The following SMCO2 variants were observed in gnomAD, a reference collection of about 807,000 sequenced individuals.
The protein encoded by SMCO2 is single-pass membrane and coiled-coil domain-containing protein 2.
In SMCO2, 25 loss-of-function variants were observed where a neutral mutation model predicts 29.5. The ratio of observed to expected loss-of-function variants is 0.85; its 90% CI spans 0.62 to 1.18. The LOEUF is 1.18. Ranked by LOEUF, SMCO2 falls within the 50% of genes most tolerant of loss-of-function variation. The pLI is 0.00. For synonymous variants in SMCO2, 117 were observed against 123.3 expected, an observed-to-expected ratio of 0.95 and a Z score of 0.34; for missense variants, 348 against 344.5, an observed-to-expected ratio of 1.01 and a Z score of -0.08.
In SMCO2 at chr12:27,488,562, T is replaced by C; in HGVS notation, c.450+15T>C. 1 of 1,517,354 alleles carries C rather than the reference T, an allele frequency of 6.6e-7. No homozygotes were observed. The highest frequency in any genetic ancestry group is 8.8e-7 in the Non-Finnish European group (1 of 1,130,092). The allele number at this position is 1,517,354 out of a possible 1,614,324, so 94.0% of individuals were successfully genotyped here. On this transcript the variant is annotated intron_variant, in intron 5 of 7. Coordinates refer to ENST00000298876, the Ensembl canonical transcript of SMCO2. ...CAAGCACTGAGGTAAGCTAGAGACT[T>C]GGGAAAGACTGAGAGGTTGGGGATT...
intron 4 of SMCO2, among the ~76,000 whole-genome samples, chr12:27,478,699 C>G (rs951571867): frequency 1.1e-4 from 17 of 152,098 alleles, no homozygotes; most frequent in African/African-American, 4.1e-4. Context: ...GGGCCTATCA[C>G]CAGGCCCTTG....
intron 4 of SMCO2, among the ~76,000 whole-genome samples, chr12:27,477,996 A>G (rs1949604961): frequency 6.6e-6 from 1 of 151,976 alleles, no homozygotes; most frequent in Non-Finnish European, 1.5e-5. Flanking sequence ...TGGTTCTTAC[A>G]TTGATATCTA....
At chr12:27,436,535 G>A in the SMCO2 span, among the ~76,000 whole-genome samples, 11 of 152,110 alleles carry the variant, frequency 7.2e-5, 1 homozygote, top group African/African-American at 2.7e-4. Context: ...GAAAAGAAAA[G>A]AGGAAGAAAC....
the SMCO2 span, among the ~76,000 whole-genome samples, chr12:27,459,499 CA>C: frequency 6.6e-6 from 1 of 152,084 alleles, no homozygotes; most frequent in Non-Finnish European, 1.5e-5. Flanking sequence ...AGGTGGGGAT[CA>C]AAAACTACCT....
the SMCO2 span, among the ~76,000 whole-genome samples, chr12:27,431,212 T>C: frequency 1.3e-5 from 2 of 152,138 alleles, no homozygotes; most frequent in Non-Finnish European, 2.9e-5. Flanking sequence ...AGATGGGTTT[T>C]CGCCATGTTG....
At chr12:27,457,136 AC>A in the SMCO2 span, among the ~76,000 whole-genome samples, 1 of 150,966 alleles carries the variant, frequency 6.6e-6, no homozygotes, top group African/African-American at 2.4e-5. Context: ...GAGGTTGGCT[AC>A]CCCGATCAGT....
At chr12:27,484,153 G>A (rs1402304440) in intron 4 of SMCO2, among the ~76,000 whole-genome samples, 2 of 152,234 alleles carry the variant, frequency 1.3e-5, no homozygotes, top group African/African-American at 4.8e-5. Context: ...CACTTTGGGA[G>A]GTCAAGGTGG....
At chr12:27,501,902 A>G in intron 7 of SMCO2, 21 bp from the exon 9 acceptor site, 1 of 1,495,816 alleles carries the variant, frequency 6.7e-7, no homozygotes, top group Non-Finnish European at 8.9e-7. Flanking sequence ...TGGTTAACAC[A>G]GATGTTTTCT....
chr12:27,484,014 A>G lies in SMCO2; in HGVS notation c.363-4446A>G, dbSNP rs193121367. On this transcript the variant is annotated intron_variant, in intron 4 of 7. Transcript: ENST00000298876. ...ATTGTTTATATTTACACACATATTT[A>G]CTATTACCAGTGCTCTTCATTCATT... Among the ~76,000 whole-genome samples, 215 of 148,582 alleles carry G rather than the reference A, an allele frequency of 1.4e-3. 1 individual carries two copies. The highest frequency in any genetic ancestry group is 0.01 in the Middle Eastern group (3 of 286).
At position 27,494,710 on chromosome 12, in the gene SMCO2, T is replaced by C. The variant is rs184859964; in HGVS notation, c.507+354T>C. Among the ~76,000 whole-genome samples the C allele has an allele frequency of 1.6e-3, 250 of 152,100 alleles. 3 individuals carry two copies. The highest frequency in any genetic ancestry group is 5.8e-3 in the African/African-American group (239 of 41,504). ...TATGATGTACCCCTCCTTGTGTCCATGTGTTTTCATTGTTCAACTCCCACT... is the reference window on the plus strand; with the variant it reads ...TATGATGTACCCCTCCTTGTGTCCACGTGTTTTCATTGTTCAACTCCCACT... On this transcript the variant is annotated intron_variant, in intron 6 of 7. Coordinates refer to ENST00000298876, the Ensembl canonical transcript of SMCO2.
upstream of SMCO2, among the ~76,000 whole-genome samples, chr12:27,463,422 G>A (rs556295216): frequency 7.2e-5 from 11 of 152,134 alleles, no homozygotes; most frequent in East Asian, 3.9e-4. Context: ...CCACCACCAC[G>A]TCCGGCTAAT....
intron 5 of SMCO2, 174 bp from the exon 7 acceptor site, chr12:27,494,126 C>A: frequency 2.3e-6 from 1 of 437,130 alleles, no homozygotes; most frequent in Non-Finnish European, 4.1e-6. Context: ...ATACCACTTA[C>A]AGTCTGCAAT....
chr12:27,441,732 T>C, the SMCO2 span, among the ~76,000 whole-genome samples: 1 of 152,174 alleles, frequency 6.6e-6, no homozygotes, highest in Admixed American at 6.5e-5. Context: ...TAGGCCTAAC[T>C]GGCATTTACA....
chr12:27,461,879 G>C (rs906214536), upstream of SMCO2, among the ~76,000 whole-genome samples: 1 of 152,206 alleles, frequency 6.6e-6, no homozygotes, highest in African/African-American at 2.4e-5. Context: ...GAAAGTATTA[G>C]AAAATCCAGG....
Position 27,498,368 on chromosome 12 carries a change from C to T in SMCO2, c.683+2513C>T, listed in dbSNP as rs775624066. 3.1e-5 allele frequency: 7 copies of T among 222,432 alleles called. 1 individual carries two copies. Among genetic ancestry groups the T allele is most frequent in the African/African-American group, 4.8e-5 (2 of 41,850 alleles). The allele number at this position is 222,432 out of a possible 1,614,324, so 13.8% of individuals were successfully genotyped here. A position where few individuals can be genotyped will look rare whatever the true frequency, so the allele number is the denominator to read the frequency against. ...CATTTTATGGCTCCCTGAGATACAA[C>T]AAAAGATTTTAGATGACTTACTTCT... On this transcript the variant is annotated intron_variant, in intron 7 of 7. Transcript: ENST00000298876.
At chr12:27,455,190 A>G in the SMCO2 span, among the ~76,000 whole-genome samples, 111,311 of 152,038 alleles carry the variant, frequency 0.73, 41,360 homozygotes, top group Middle Eastern at 0.9. Context: ...TTCATGGGAG[A>G]ATCCAGGAGG....
chr12:27,466,134 T>C (rs889238340), upstream of SMCO2, among the ~76,000 whole-genome samples: 8 of 152,196 alleles, frequency 5.3e-5, no homozygotes, highest in Non-Finnish European at 1.2e-4. Flanking sequence ...GAAGATCAAA[T>C]GCTTGGGCCC....
chr12:27,426,509 A>G, the SMCO2 span, among the ~76,000 whole-genome samples: 2 of 152,206 alleles, frequency 1.3e-5, no homozygotes, highest in African/African-American at 4.8e-5. Flanking sequence ...TCATTTGTAA[A>G]TACCCTTGCA....
the SMCO2 span, among the ~76,000 whole-genome samples, chr12:27,453,853 A>T: frequency 1.3e-5 from 2 of 152,212 alleles, no homozygotes; most frequent in African/African-American, 4.8e-5. Flanking sequence ...GACTTGCCAA[A>T]CTTATTGCAA....
Sources: allele counts gnomAD v4.1 joint callset (sites outside exome capture counted in the v4.1 genomes callset), GRCh38; gene constraint gnomAD v4.1.1; transcripts MANE v1.5; gene names NCBI Gene and HGNC (gene_info 2026-07-23, HGNC 2026-07-21).